FUBP3: variants seen among roughly 807,000 people sequenced by gnomAD.
FUBP3 encodes the protein far upstream element-binding protein 3.
FUBP3 carries 28 observed loss-of-function variants against 85.6 expected under a neutral mutation model. That is an observed-to-expected ratio of 0.33 (90% CI 0.24 to 0.45). The LOEUF (loss-of-function observed/expected upper bound fraction) is 0.45. Among genes scored for constraint, FUBP3 ranks in the 20% least tolerant of loss-of-function variants. The pLI, the probability that FUBP3 is intolerant of heterozygous loss-of-function variation, is 1.00. For missense variants in FUBP3, 583 were observed against 755.1 expected (o/e 0.77, Z 2.67); for synonymous variants, 271 against 271.4 (o/e 1.00, Z 0.01).
rs538169398 is a variant in FUBP3, at chr9:130,630,519, C to T, written c.1118-109C>T. 4.1e-5 allele frequency: 33 copies of T among 809,168 alleles called. No homozygotes were observed. The South Asian group carries it at 5.5e-4, about 14-fold the overall frequency. 50.1% of individuals were successfully genotyped at this position (809,168 alleles called of 1,614,324 possible). A position where few individuals can be genotyped will look rare whatever the true frequency, so the allele number is the denominator to read the frequency against. On this transcript the variant is annotated intron_variant, in intron 12 of 18. Coordinates refer to ENST00000319725, the MANE Select transcript of FUBP3 (RefSeq NM_003934.2). ...ACTTCTCTACTGTCAGGGCAAGTGC[C>T]GACGTGCACAAAATCCCCCCGAGTT...
chr9:130,628,799 C>G (rs1008849693), intron 12 of FUBP3, among the ~76,000 whole-genome samples: 1 of 151,800 alleles, frequency 6.6e-6, no homozygotes, highest in Non-Finnish European at 1.5e-5. Context: ...GATGGAGTTT[C>G]GCTTTTGTTG....
At chr9:130,629,809 C>G (rs1379869471) in intron 12 of FUBP3, among the ~76,000 whole-genome samples, 1 of 152,178 alleles carries the variant, frequency 6.6e-6, no homozygotes, top group Non-Finnish European at 1.5e-5. Flanking sequence ...CCAAGTTATC[C>G]TTGTATTCTG....
chr9:130,606,402 G>A (rs1354547985), intron 2 of FUBP3, among the ~76,000 whole-genome samples: 1 of 152,076 alleles, frequency 6.6e-6, no homozygotes, highest in Non-Finnish European at 1.5e-5. Context: ...CCCCCCAACA[G>A]ACTCACTCAC....
chr9:130,634,768 A>G (rs773584634), intron 17 of FUBP3, 30 bp downstream of exon 17: 2 of 1,549,698 alleles, frequency 1.3e-6, no homozygotes, highest in South Asian at 2.3e-5. Flanking sequence ...AACCTGTGGC[A>G]GCACAGTCCC....
At chr9:130,589,677 A>ATGTGTATG (rs1564190773) in intron 1 of FUBP3, among the ~76,000 whole-genome samples, 4 of 22,962 alleles carry the variant, frequency 1.7e-4, no homozygotes, top group Non-Finnish European at 3.0e-4. Context: ...ATGTGTGTGT[A>ATGTGTATG]TATATATATA....
At chr9:130,609,839 GCTTTCTTTCTGC>G (rs1831649759) in intron 2 of FUBP3, 103 bp from the exon 3 acceptor site, 1 of 786,314 alleles carries the variant, frequency 1.3e-6, no homozygotes, top group Non-Finnish European at 2.2e-6. Context: ...ATTACTGTTT[GCTTTCTTTCTGC>G]CTTTCTTTTC....
chr9:130,623,561 C>T (rs1829841177), intron 10 of FUBP3, 50 bp from the exon 11 acceptor site: 1 of 1,187,364 alleles, frequency 8.4e-7, no homozygotes, highest in Non-Finnish European at 1.3e-6. Context: ...TCCTTGTTTC[C>T]TTCTAACGTT....
intron 18 of FUBP3, 108 bp downstream of exon 18, chr9:130,636,234 C>T (rs1830413305): frequency 8.9e-7 from 1 of 1,117,808 alleles, no homozygotes; most frequent in Non-Finnish European, 1.3e-6. Flanking sequence ...CTAGGAGGAA[C>T]CTCTGGGCGC....
intron 2 of FUBP3, among the ~76,000 whole-genome samples, chr9:130,606,712 C>T (rs1166115313): frequency 3.3e-5 from 5 of 151,926 alleles, no homozygotes; most frequent in Admixed American, 6.6e-5. Context: ...CCCAGCTACT[C>T]GGGAAGCTGA....
At chr9:130,628,439 G>A (rs1284902779) in intron 12 of FUBP3, among the ~76,000 whole-genome samples, 1 of 152,242 alleles carries the variant, frequency 6.6e-6, no homozygotes, top group East Asian at 1.9e-4. Context: ...GGAGCGGGCT[G>A]CTGAATGAGT....
intron 18 of FUBP3, among the ~76,000 whole-genome samples, chr9:130,636,596 C>T (rs1384557814): frequency 6.6e-6 from 1 of 152,238 alleles, no homozygotes; most frequent in Non-Finnish European, 1.5e-5. Flanking sequence ...CTCCTGTGCA[C>T]AACCTAGAGG....
chr9:130,600,086 C>T (rs1412311792), intron 2 of FUBP3, among the ~76,000 whole-genome samples: 1 of 144,338 alleles, frequency 6.9e-6, no homozygotes, highest in Non-Finnish European at 1.5e-5. Context: ...CTTCTCTCTA[C>T]CTTTTCCTTC....
intron 14 of FUBP3, 103 bp from the exon 15 acceptor site, chr9:130,631,839 G>A (rs1169165177): frequency 1.1e-6 from 1 of 919,572 alleles, no homozygotes; most frequent in Non-Finnish European, 1.8e-6. Context: ...AGGGCAGAGG[G>A]TCTTCTGTCC....
At chr9:130,634,860 T>G (rs919116325) in intron 17 of FUBP3, 122 bp downstream of exon 17, 1 of 759,380 alleles carries the variant, frequency 1.3e-6, no homozygotes, top group African/African-American at 1.7e-5. Context: ...CTTGATCTCA[T>G]TATTTGCCTT....
intron 1 of FUBP3, among the ~76,000 whole-genome samples, chr9:130,587,068 G>T (rs141968502): frequency 0.01 from 525 of 51,288 alleles, 5 homozygotes; most frequent in African/African-American, 0.03. Context: ...TTTTTTTTTT[G>T]TTTGTTTGTT....
At chr9:130,623,555 T>C in intron 10 of FUBP3, 56 bp from the exon 11 acceptor site, 3 of 1,124,734 alleles carry the variant, frequency 2.7e-6, no homozygotes, top group South Asian at 1.2e-5. Flanking sequence ...GATTAATCCT[T>C]GTTTCCTTCT....
Position 130,637,040 on chromosome 9 carries a change from CA to C in FUBP3, c.*20del, listed in dbSNP as rs1332360016. The C allele has an allele frequency of 1.9e-6, 3 of 1,604,336 alleles. No individual in the cohort carries two copies. The Admixed American group carries it at 5.0e-5, about 27-fold the overall frequency. ...AGCAGTAGGACAGCGTCCTCGTGGCCAACTCTCCCCTCAAAATCATTGTCAA... is the reference window on the plus strand; with the variant it reads ...AGCAGTAGGACAGCGTCCTCGTGGCCACTCTCCCCTCAAAATCATTGTCAA... On this transcript the variant is annotated 3_prime_UTR_variant, in exon 19 of 19. Transcript: ENST00000319725.
intron 1 of FUBP3, chr9:130,581,891 C>G (rs1174565661): frequency 6.6e-6 from 1 of 152,166 alleles, no homozygotes; most frequent in East Asian, 1.9e-4. Flanking sequence ...TTTGAACCTG[C>G]AGTTTCTATT....
chr9:130,630,352 C>T (rs1011746025), intron 12 of FUBP3, among the ~76,000 whole-genome samples: 12 of 152,216 alleles, frequency 7.9e-5, no homozygotes, highest in African/African-American at 2.9e-4. Context: ...GGGCCACTCA[C>T]GACCTTCACA....
Sources: allele counts gnomAD v4.1 joint callset (sites outside exome capture counted in the v4.1 genomes callset), GRCh38; gene constraint gnomAD v4.1.1; transcripts MANE v1.5; gene names NCBI Gene and HGNC (gene_info 2026-07-23, HGNC 2026-07-21).